MTHFSD: variants seen among roughly 807,000 people sequenced by gnomAD.
MTHFSD encodes the protein methenyltetrahydrofolate synthase domain-containing protein.
Under a neutral mutation model 31.1 loss-of-function variants are expected in MTHFSD, and 37 were observed. The observed-to-expected ratio is 1.19, with a 90% CI of 0.91 to 1.56. The LOEUF is 1.56. MTHFSD is among the 40% of genes most tolerant of loss of function. The probability of loss-of-function intolerance (pLI) is 0.00; values close to 1 mark genes in which losing one functional copy is unlikely to be tolerated. For synonymous variants in MTHFSD, 221 were observed against 206.9 expected, an observed-to-expected ratio of 1.07 and a Z score of -0.59; for missense variants, 664 against 510.1, an observed-to-expected ratio of 1.30 and a Z score of -2.91.
At position 86,553,570 on chromosome 16, in the gene MTHFSD, C is replaced by G. The variant is rs576119020; in HGVS notation, c.123+1075G>C. The G allele has an allele frequency of 7.8e-5, 12 of 153,842 alleles. No individual in the cohort carries two copies. In the East Asian group the frequency reaches 2.3e-3, roughly 29 times the overall value. 9.5% of individuals were successfully genotyped at this position (153,842 alleles called of 1,614,324 possible). ...AGCACCTGGGCCACCAGCTGCTGTG[C>G]TCTATTTCTCGCCGGGCCTTAGCTG... On this transcript the variant is annotated intron_variant, in intron 2 of 7. Coordinates refer to ENST00000360900, the MANE Select transcript of MTHFSD (RefSeq NM_001159377.2).
chr16:86,542,765 C>T lies in MTHFSD; in HGVS notation c.443-552G>A, dbSNP rs575671122. ...TGCAAATTTGTAATTAGTGGCACAA[C>T]AAAAGGATTATCTGAGCCTAAAAGA... On this transcript the variant is annotated intron_variant, in intron 5 of 7. Coordinates refer to ENST00000360900, the MANE Select transcript of MTHFSD (RefSeq NM_001159377.2). The surrounding 1 kb of genome is among the most constrained non-coding windows in gnomAD (Gnocchi z 4.6). Among the ~76,000 whole-genome samples, 15 of 152,294 alleles carry T rather than the reference C, an allele frequency of 9.8e-5. No homozygotes were observed. Among genetic ancestry groups the T allele is most frequent in the African/African-American group, 3.4e-4 (14 of 41,556 alleles).
intron 5 of MTHFSD, among the ~76,000 whole-genome samples, chr16:86,544,581 G>A (rs1267393495): frequency 6.6e-6 from 1 of 152,208 alleles, no homozygotes; most frequent in East Asian, 1.9e-4. Context: ...GCTGTGGAGA[G>A]ATAGGAACAC....
Position 86,542,385 on chromosome 16 carries a change from T to C in MTHFSD, c.443-172A>G, listed in dbSNP as rs1317422115. The stretch of plus-strand genomic sequence containing the variant: ...GCCCACAAGCAGCCCACACTGACGA[T>C]GGACTTTTGGGCATTCAACAGGAAT... On this transcript the variant is annotated intron_variant, in intron 5 of 7. Coordinates refer to ENST00000360900, the MANE Select transcript of MTHFSD (RefSeq NM_001159377.2). The surrounding 1 kb of genome is among the most constrained non-coding windows in gnomAD (Gnocchi z 4.6). 11 of 602,762 alleles carry C rather than the reference T, an allele frequency of 1.8e-5. No individual in the cohort carries two copies. Among genetic ancestry groups the C allele is most frequent in the Non-Finnish European group, 3.2e-5 (11 of 341,754 alleles). 37.3% of individuals were successfully genotyped at this position (602,762 alleles called of 1,614,324 possible).
At chr16:86,538,687 C>G (rs1016904166) in intron 7 of MTHFSD, among the ~76,000 whole-genome samples, 1 of 152,212 alleles carries the variant, frequency 6.6e-6, no homozygotes, top group Non-Finnish European at 1.5e-5. Context: ...CTCCAAGGAT[C>G]AGAAGATCAA....
rs760218043 is a variant in MTHFSD, at chr16:86,552,013, G to A, written c.237+20C>T. On this transcript the variant is annotated intron_variant, in intron 3 of 7. Transcript: ENST00000360900. ...CCCTTGGCGGCCAGGTCTCGGCTCG[G>A]CTCAGGGAAGTGGAATTACCTGCAG... 2 of 1,614,006 alleles carry A rather than the reference G, an allele frequency of 1.2e-6. No individual in the cohort carries two copies. The highest frequency in any genetic ancestry group is 8.5e-7 in the Non-Finnish European group (1 of 1,179,952).
At chr16:86,537,202 G>A (rs141980332) in intron 7 of MTHFSD, among the ~76,000 whole-genome samples, 2 of 152,188 alleles carry the variant, frequency 1.3e-5, no homozygotes, top group African/African-American at 4.8e-5. Context: ...AGAAACGTTT[G>A]AAATCCTATC....
chr16:86,554,773 T>G, intron 1 of MTHFSD, 22 bp from the exon 2 acceptor site: 1 of 1,583,336 alleles, frequency 6.3e-7, no homozygotes, highest in Non-Finnish European at 8.7e-7. Flanking sequence ...GATTCCCACT[T>G]AATAACATAC....
intron 7 of MTHFSD, among the ~76,000 whole-genome samples, chr16:86,538,095 G>C (rs903978717): frequency 6.6e-6 from 1 of 152,218 alleles, no homozygotes; most frequent in Non-Finnish European, 1.5e-5. Context: ...GTGGGTGCCC[G>C]AGTGGCTTCT....
At position 86,542,194 on chromosome 16, in the gene MTHFSD, T is replaced by A; in HGVS notation, c.462A>T (p.Gly154=). The change falls in exon 6 of 8, where the codon GGA becomes GGT. Residue 154 remains glycine, a synonymous_variant. Transcript: ENST00000360900. The surrounding 1 kb of genome is among the most constrained non-coding windows in gnomAD (Gnocchi z 4.6). ...VSEKGWRIGK[G]EGYADLEYAM... ...CATATTCCAGATCGGCGTAGCCTTC[T>A]CCCTTCCCGATTCTCCAGCCTAAGA... 1 of 1,613,612 alleles carries A rather than the reference T, an allele frequency of 6.2e-7. No homozygotes were observed. The highest frequency in any genetic ancestry group is 8.5e-7 in the Non-Finnish European group (1 of 1,179,956).
chr16:86,535,111 A>G, intron 7 of MTHFSD: 1 of 476,252 alleles, frequency 2.1e-6, no homozygotes, highest in Non-Finnish European at 2.7e-6. Context: ...ATTCTGAGCC[A>G]GCAAATATAC....
chr16:86,530,549 C>A lies in MTHFSD; in HGVS notation c.*1462G>T, dbSNP rs1039507551. On this transcript the variant is annotated 3_prime_UTR_variant, in exon 8 of 8. Transcript: ENST00000360900. ...TGGGGCAGGGAGTGGAGAAGGGGGG[C>A]TGACTCACTTGCTCTTCTCCTGGAG... The A allele has an allele frequency of 5.3e-5, 8 of 151,628 alleles. No individual in the cohort carries two copies. Among genetic ancestry groups the A allele is most frequent in the African/African-American group, 1.7e-4 (7 of 41,202 alleles). 9.4% of individuals were successfully genotyped at this position (151,628 alleles called of 1,614,324 possible). A position where few individuals can be genotyped will look rare whatever the true frequency, so the allele number is the denominator to read the frequency against.
At chr16:86,553,912 G>A (rs891704399) in intron 2 of MTHFSD, among the ~76,000 whole-genome samples, 15 of 152,186 alleles carry the variant, frequency 9.9e-5, no homozygotes, top group African/African-American at 1.4e-4. Context: ...GTTTGTGAAT[G>A]CACCAATGGG....
intron 7 of MTHFSD, among the ~76,000 whole-genome samples, chr16:86,537,341 T>C (rs752771226): frequency 6.6e-6 from 1 of 152,120 alleles, no homozygotes; most frequent in Non-Finnish European, 1.5e-5. Flanking sequence ...CTTTTCTACT[T>C]TATACCACAT....
At chr16:86,534,224 G>A (rs1032438210) in intron 7 of MTHFSD, among the ~76,000 whole-genome samples, 1 of 152,176 alleles carries the variant, frequency 6.6e-6, no homozygotes, top group Non-Finnish European at 1.5e-5. Flanking sequence ...TGGGCCCTCG[G>A]CCATCCTTCT....
rs1413899355 is a variant in MTHFSD at position 86,546,610 on chromosome 16, T to A, written c.391A>T (p.Arg131Ter). 6.2e-7 allele frequency: 1 copy of A among 1,613,946 alleles called. No homozygotes were observed. The highest frequency in any genetic ancestry group is 1.3e-5 in the African/African-American group (1 of 75,044). Reference sequence around the variant, plus strand: ...ACCACAACTAAATCCACGAGGACTCTGGAGTCCAAGCCTATGGGGACACTG... The same window carrying A: ...ACCACAACTAAATCCACGAGGACTCAGGAGTCCAAGCCTATGGGGACACTG... ...NYSVPIGLDS[R>*]VLVDLVVVGS... The change falls in exon 5 of 8, where the codon AGA (arginine) becomes TGA (stop). Residue 131 changes from arginine to a stop codon, truncating the protein, a stop_gained. Transcript: ENST00000360900. LOFTEE classifies it high-confidence loss of function.
intron 4 of MTHFSD, chr16:86,547,929 C>T: frequency 1.4e-6 from 1 of 738,574 alleles, no homozygotes; most frequent in Non-Finnish European, 1.8e-6. Flanking sequence ...AATACATGAC[C>T]AATTTTATTA....
chr16:86,534,912 C>G (rs1970472054), intron 7 of MTHFSD, among the ~76,000 whole-genome samples: 1 of 152,158 alleles, frequency 6.6e-6, no homozygotes, highest in African/African-American at 2.4e-5. Flanking sequence ...CTGCGCCAGC[C>G]CAGTCTCCTG....
In MTHFSD at chr16:86,544,330, T is replaced by A. The variant is rs1971961185; in HGVS notation, c.443-2117A>T. On this transcript the variant is annotated intron_variant, in intron 5 of 7. Transcript: ENST00000360900. ...GAGACAATTTTGCAAACTATCTGTC[T>A]GACAAAGGTCTAATATCCAGAGTCT... Among the ~76,000 whole-genome samples, 4 of 152,094 alleles carry A rather than the reference T, an allele frequency of 2.6e-5. No homozygotes were observed. The South Asian group carries it at 8.3e-4, about 32-fold the overall frequency.
Position 86,531,863 on chromosome 16 carries a change from G to A in MTHFSD, c.*148C>T, listed in dbSNP as rs1184045922. ...GGAGGGCCTGGGCGTTCACTGAGCGGTGACTTCTGAGAAGAATTGAGACCC... is the reference window on the plus strand; with the variant it reads ...GGAGGGCCTGGGCGTTCACTGAGCGATGACTTCTGAGAAGAATTGAGACCC... On this transcript the variant is annotated 3_prime_UTR_variant, in exon 8 of 8. Coordinates refer to ENST00000360900, the MANE Select transcript of MTHFSD (RefSeq NM_001159377.2). This position sits in a 1 kb window ranked among gnomAD's most constrained non-coding sequence, Gnocchi z 5.5. 4.1e-6 allele frequency: 2 copies of A among 493,494 alleles called. No homozygotes were observed. The highest frequency in any genetic ancestry group is 6.8e-6 in the Non-Finnish European group (2 of 293,922). 30.6% of individuals were successfully genotyped at this position (493,494 alleles called of 1,614,324 possible).
Sources: allele counts gnomAD v4.1 joint callset (sites outside exome capture counted in the v4.1 genomes callset), GRCh38; gene constraint gnomAD v4.1.1; non-coding constraint Gnocchi (gnomAD v3.1); transcripts MANE v1.5; gene names NCBI Gene and HGNC (gene_info 2026-07-23, HGNC 2026-07-21).